UST: variants seen among roughly 807,000 people sequenced by gnomAD.
UST encodes the protein chondroitin sulfate 2-O-sulfotransferase.
In UST, 21 loss-of-function variants were observed where a neutral mutation model predicts 45.6. The ratio of observed to expected loss-of-function variants is 0.46; its 90% CI spans 0.33 to 0.66. The LOEUF is 0.66. UST is among the 30% of genes least tolerant of loss of function. The pLI, the probability that UST is intolerant of heterozygous loss-of-function variation, is 0.02. For synonymous variants in UST, 215 were observed against 200.6 expected (o/e 1.07, Z -0.61); for missense variants, 463 against 512.4 (o/e 0.90, Z 0.93).
chr6:148,953,771 C>CAAA (rs58266916), intron 3 of UST, 101 bp from the exon 4 acceptor site: 649 of 266,782 alleles, frequency 2.4e-3, no homozygotes, highest in South Asian at 3.3e-3. Context: ...GACTCCATCT[C>CAAA]AAAAAAAAAA....
intron 5 of UST, among the ~76,000 whole-genome samples, chr6:149,003,116 C>T (rs1481037812): frequency 6.6e-6 from 1 of 152,132 alleles, no homozygotes; most frequent in East Asian, 1.9e-4. Context: ...AATTAAGAAT[C>T]TCTGAAATAA....
chr6:148,864,953 AGTT>A (rs1778398404), intron 1 of UST, among the ~76,000 whole-genome samples: 1 of 152,204 alleles, frequency 6.6e-6, no homozygotes, highest in Non-Finnish European at 1.5e-5. Context: ...TTATTTATAT[AGTT>A]GTTTTATTCA....
intron 5 of UST, among the ~76,000 whole-genome samples, chr6:149,007,286 AT>A (rs758579779): frequency 0.038 from 3,490 of 91,186 alleles, 41 homozygotes; most frequent in Non-Finnish European, 0.058. Flanking sequence ...CACCCGACCA[AT>A]TTTTTTTTTT....
At chr6:148,994,890 C>G (rs1226552741) in intron 5 of UST, among the ~76,000 whole-genome samples, 1 of 152,232 alleles carries the variant, frequency 6.6e-6, no homozygotes, top group Non-Finnish European at 1.5e-5. Flanking sequence ...AGCCCTTAAT[C>G]TATAGATTCA....
In UST at chr6:149,076,260, C is replaced by A. The variant is rs1203583015; in HGVS notation, c.*2144C>A. On this transcript the variant is annotated 3_prime_UTR_variant, in exon 8 of 8. Coordinates refer to ENST00000367463, the MANE Select transcript of UST (RefSeq NM_005715.3). Reference sequence around the variant, plus strand: ...CAGTACAAGAACTGCTGCCTGGTACCCTGTGAGTCATTTCTATGAAATTCC... The same window carrying A: ...CAGTACAAGAACTGCTGCCTGGTACACTGTGAGTCATTTCTATGAAATTCC... 6.6e-6 allele frequency: 1 copy of A among 152,172 alleles called. No homozygotes were observed. Among genetic ancestry groups the A allele is most frequent in the African/African-American group, 2.4e-5 (1 of 41,428 alleles). The allele number at this position is 152,172 out of a possible 1,614,324, so 9.4% of individuals were successfully genotyped here. A position where few individuals can be genotyped will look rare whatever the true frequency, so the allele number is the denominator to read the frequency against.
At chr6:148,841,881 G>C (rs1355459320) in intron 1 of UST, among the ~76,000 whole-genome samples, 3 of 152,230 alleles carry the variant, frequency 2.0e-5, no homozygotes, top group Non-Finnish European at 2.9e-5. Context: ...AAGGTGGGCA[G>C]ATCACCTGCG....
Position 148,747,648 on chromosome 6 carries a change from G to A in UST, c.218G>A (p.Arg73His). Residue 73 changes from arginine to histidine, a missense_variant, in exon 1 of 8, where the codon CGC (arginine) becomes CAC (histidine). Coordinates refer to ENST00000367463, the MANE Select transcript of UST (RefSeq NM_005715.3). ...TATCAGCTCAGCGGGGGACCCCCTC[G>A]CTTCCTGCTCGACCTGCGGCAGTAC... ...LLYQLSGGPPRFLLDLRQYLG... is the reference protein window; with the variant it reads ...LLYQLSGGPPHFLLDLRQYLG... 2 of 1,598,720 alleles carry A rather than the reference G, an allele frequency of 1.3e-6. No individual in the cohort carries two copies. The highest frequency in any genetic ancestry group is 2.3e-5 in the South Asian group (2 of 88,762).
chr6:148,773,852 G>A (rs979179382), intron 1 of UST, among the ~76,000 whole-genome samples: 4 of 152,178 alleles, frequency 2.6e-5, no homozygotes, highest in African/African-American at 9.7e-5. Flanking sequence ...AGCAGGGATT[G>A]TCTAAGAGGA....
intron 1 of UST, 69 bp from the exon 2 acceptor site, chr6:148,886,917 A>G: frequency 7.6e-7 from 1 of 1,308,496 alleles, no homozygotes. Context: ...GCTTATCTTC[A>G]ATAACTTTGC....
chr6:149,070,654 T>G (rs1157271369), intron 7 of UST, among the ~76,000 whole-genome samples: 1 of 152,204 alleles, frequency 6.6e-6, no homozygotes, highest in Non-Finnish European at 1.5e-5. Flanking sequence ...TGAGATGTTT[T>G]GATACAGGCA....
At chr6:148,756,918 C>G (rs537856487) in intron 1 of UST, among the ~76,000 whole-genome samples, 2 of 152,366 alleles carry the variant, frequency 1.3e-5, no homozygotes, top group Non-Finnish European at 2.9e-5. Context: ...AAGAAGGACT[C>G]TAGCTCAGTT....
chr6:148,992,164 G>T (rs1307649791), intron 5 of UST, among the ~76,000 whole-genome samples: 1 of 152,186 alleles, frequency 6.6e-6, no homozygotes, highest in Non-Finnish European at 1.5e-5. Flanking sequence ...GAACACCTTA[G>T]GATTCTTATG....
At chr6:148,900,361 T>A (rs1200111930) in intron 2 of UST, among the ~76,000 whole-genome samples, 1 of 152,116 alleles carries the variant, frequency 6.6e-6, no homozygotes, top group Non-Finnish European at 1.5e-5. Flanking sequence ...GCTCCAATAA[T>A]CCCCACGTGT....
intron 3 of UST, among the ~76,000 whole-genome samples, chr6:148,948,469 G>A (rs751200065): frequency 6.6e-6 from 1 of 152,160 alleles, no homozygotes; most frequent in Non-Finnish European, 1.5e-5. Flanking sequence ...AGCCAGTCAG[G>A]TTGAAAGCAA....
At chr6:148,799,085 G>A (rs1777005033) in intron 1 of UST, among the ~76,000 whole-genome samples, 1 of 152,140 alleles carries the variant, frequency 6.6e-6, no homozygotes. Context: ...AGCCAGGCTG[G>A]TCTCGAACTC....
intron 2 of UST, among the ~76,000 whole-genome samples, chr6:148,939,372 A>G (rs188696378): frequency 6.6e-6 from 1 of 152,318 alleles, no homozygotes; most frequent in Admixed American, 6.5e-5. Flanking sequence ...TGGAAATGCA[A>G]AGGACACAGA....
intron 2 of UST, among the ~76,000 whole-genome samples, chr6:148,915,946 T>C (rs2114886845): frequency 6.6e-6 from 1 of 152,344 alleles, no homozygotes; most frequent in African/African-American, 2.4e-5. Flanking sequence ...TTACATAGTT[T>C]TCCTCAGTGC....
At chr6:148,782,606 A>G (rs1279976147) in intron 1 of UST, among the ~76,000 whole-genome samples, 1 of 151,718 alleles carries the variant, frequency 6.6e-6, no homozygotes, top group African/African-American at 2.4e-5. Context: ...GCCTGCCACC[A>G]TGCCCGGCTA....
At chr6:148,778,612 G>A (rs1355589480) in intron 1 of UST, among the ~76,000 whole-genome samples, 3 of 152,228 alleles carry the variant, frequency 2.0e-5, no homozygotes, top group Admixed American at 2.0e-4. Context: ...CTCTGGTGTG[G>A]GGTGCAGTCC....
Sources: gnomAD v4.1 joint callset for allele counts (sites outside exome capture counted in the v4.1 genomes callset) on GRCh38, gnomAD v4.1.1 for gene constraint, MANE v1.5 for transcripts, NCBI Gene and HGNC (gene_info 2026-07-23, HGNC 2026-07-21) for gene names.